The following PACRG variants were observed in gnomAD, a reference collection of about 807,000 sequenced individuals.
PACRG encodes parkin coregulated gene protein.
Under a neutral mutation model 29.7 loss-of-function variants are expected in PACRG, and 29 were observed. The observed-to-expected ratio is 0.98, with a 90% CI of 0.73 to 1.33. The LOEUF (loss-of-function observed/expected upper bound fraction) is 1.33. Ranked by LOEUF, PACRG falls within the 40% of genes most tolerant of loss-of-function variation. PACRG has a pLI of 0.00. For synonymous variants in PACRG, 116 were observed against 118.7 expected (o/e 0.98, Z 0.15); for missense variants, 279 against 316.2 (o/e 0.88, Z 0.89).
chr6:163,214,623 A>G (rs1585339634), intron 4 of PACRG, among the ~76,000 whole-genome samples: 2 of 152,020 alleles, frequency 1.3e-5, no homozygotes, highest in South Asian at 4.2e-4. Context: ...TGGTGTACTT[A>G]TTTCAATGTC....
intron 4 of PACRG, among the ~76,000 whole-genome samples, chr6:163,312,480 A>T (rs73029023): frequency 0.088 from 13,385 of 151,938 alleles, 662 homozygotes; most frequent in Middle Eastern, 0.15. Context: ...CTCCTCTCTC[A>T]ATCCAACTCA....
intron 2 of PACRG, among the ~76,000 whole-genome samples, chr6:163,058,855 G>A (rs951147392): frequency 6.6e-6 from 1 of 152,086 alleles, no homozygotes; most frequent in Non-Finnish European, 1.5e-5. Flanking sequence ...AGCCGAGCTC[G>A]CACCACTGCA....
At chr6:163,045,621 CTTTTT>C (rs11326242) in intron 2 of PACRG, among the ~76,000 whole-genome samples, 2 of 105,884 alleles carry the variant, frequency 1.9e-5, no homozygotes, top group Admixed American at 1.0e-4. Context: ...CTGCGCCCAG[CTTTTT>C]TTTTTTTTTT....
intron 2 of PACRG, among the ~76,000 whole-genome samples, chr6:162,862,894 T>A (rs1170183492): frequency 6.6e-6 from 1 of 152,172 alleles, no homozygotes; most frequent in Non-Finnish European, 1.5e-5. Context: ...CTCTGTGCCC[T>A]TTTGCCTGGG....
At chr6:162,828,104 A>G (rs762212426) in intron 2 of PACRG, among the ~76,000 whole-genome samples, 12 of 152,148 alleles carry the variant, frequency 7.9e-5, no homozygotes, top group Non-Finnish European at 1.5e-4. Context: ...TACTTTTCAT[A>G]TATTTTTGTT....
chr6:163,302,144 A>G (rs1464183560), intron 4 of PACRG, among the ~76,000 whole-genome samples: 2 of 152,170 alleles, frequency 1.3e-5, no homozygotes, highest in Non-Finnish European at 2.9e-5. Context: ...TTCAGTGTCT[A>G]TTGTGCAAAC....
intron 4 of PACRG, among the ~76,000 whole-genome samples, chr6:163,277,483 GTA>G (rs112325843): frequency 1.4e-5 from 2 of 142,132 alleles, no homozygotes; most frequent in South Asian, 2.2e-4. Context: ...GTGTATGTGT[GTA>G]TATATATATA....
At chr6:163,174,534 A>C (rs1452623571) in intron 4 of PACRG, among the ~76,000 whole-genome samples, 1 of 152,210 alleles carries the variant, frequency 6.6e-6, no homozygotes, top group Non-Finnish European at 1.5e-5. Context: ...TCAAAAATGA[A>C]CCAGTCTATC....
chr6:162,891,085 A>C (rs1260563555), intron 2 of PACRG, among the ~76,000 whole-genome samples: 1 of 152,180 alleles, frequency 6.6e-6, no homozygotes. Context: ...GGGGTGAGCC[A>C]GCTTAGGTTT....
At chr6:163,155,675 C>T (rs1259135535) in intron 4 of PACRG, among the ~76,000 whole-genome samples, 1 of 152,212 alleles carries the variant, frequency 6.6e-6, no homozygotes, top group Non-Finnish European at 1.5e-5. Context: ...TGATCTGTAC[C>T]TTTAAAAATT....
chr6:162,997,246 A>T (rs1044031131), intron 2 of PACRG, among the ~76,000 whole-genome samples: 1 of 152,214 alleles, frequency 6.6e-6, no homozygotes, highest in Admixed American at 6.5e-5. Context: ...AACCCTAAAG[A>T]TTTGTTTGCC....
At chr6:163,198,925 A>C (rs1458268767) in intron 4 of PACRG, among the ~76,000 whole-genome samples, 1 of 152,218 alleles carries the variant, frequency 6.6e-6, no homozygotes, top group Non-Finnish European at 1.5e-5. Flanking sequence ...CTTGAAGCAA[A>C]GGCAGGAAAA....
intron 2 of PACRG, among the ~76,000 whole-genome samples, chr6:162,934,828 A>G (rs1369255538): frequency 6.6e-6 from 1 of 152,178 alleles, no homozygotes; most frequent in Admixed American, 6.5e-5. Context: ...TTTCACTCAC[A>G]CATGCAGGGT....
intron 2 of PACRG, among the ~76,000 whole-genome samples, chr6:162,962,984 T>C (rs533967531): frequency 1.8e-4 from 28 of 152,296 alleles, no homozygotes; most frequent in African/African-American, 6.5e-4. Flanking sequence ...TAGGGTCACT[T>C]TGAGGGACCA....
intron 4 of PACRG, among the ~76,000 whole-genome samples, chr6:163,290,828 G>A (rs1585404508): frequency 6.6e-6 from 1 of 152,248 alleles, no homozygotes; most frequent in South Asian, 2.1e-4. Context: ...AAATGAAATC[G>A]GATGCGCATG....
At chr6:163,293,753 A>G (rs1204133243) in intron 4 of PACRG, among the ~76,000 whole-genome samples, 1 of 152,208 alleles carries the variant, frequency 6.6e-6, no homozygotes, top group East Asian at 1.9e-4. Flanking sequence ...GTATACAGGG[A>G]ATATAGGTTT....
intron 2 of PACRG, among the ~76,000 whole-genome samples, chr6:162,818,124 T>G (rs2128369857): frequency 6.6e-6 from 1 of 152,270 alleles, no homozygotes; most frequent in Admixed American, 6.5e-5. Flanking sequence ...AAAAAAAATG[T>G]TAATCTGTTT....
chr6:163,209,990 A>C (rs1398117368), intron 4 of PACRG, among the ~76,000 whole-genome samples: 1 of 152,172 alleles, frequency 6.6e-6, no homozygotes, highest in Non-Finnish European at 1.5e-5. Context: ...TGAACATCAA[A>C]CCACGCCTGT....
chr6:162,889,750 G>A (rs928510554), intron 2 of PACRG, among the ~76,000 whole-genome samples: 11 of 152,134 alleles, frequency 7.2e-5, no homozygotes, highest in East Asian at 1.9e-4. Flanking sequence ...TTTATAGTCC[G>A]GTTATTTTCC....
Sources: gnomAD v4.1 joint callset for allele counts (sites outside exome capture counted in the v4.1 genomes callset) on GRCh38, gnomAD v4.1.1 for gene constraint, MANE v1.5 for transcripts, NCBI Gene and HGNC (gene_info 2026-07-23, HGNC 2026-07-21) for gene names.